Variants in DNAH6 observed in about 807,000 individuals in gnomAD.
DNAH6 encodes axonemal beta dynein heavy chain 6.
In DNAH6, 340 loss-of-function variants were observed where a neutral mutation model predicts 491.4. The ratio of observed to expected loss-of-function variants is 0.69; its 90% CI spans 0.63 to 0.76. The LOEUF (loss-of-function observed/expected upper bound fraction) is 0.76. Ranked by LOEUF, DNAH6 falls within the 30% of genes least tolerant of loss-of-function variation. The probability of loss-of-function intolerance (pLI) is 0.00; values close to 1 mark genes in which losing one functional copy is unlikely to be tolerated. For missense variants in DNAH6, 4,443 were observed against 4,972.2 expected, an observed-to-expected ratio of 0.89 and a Z score of 3.20; for synonymous variants, 1,603 against 1,686.1, an observed-to-expected ratio of 0.95 and a Z score of 1.21.
At chr2:84,535,804 G>A (rs1841417) in intron 4 of DNAH6, among the ~76,000 whole-genome samples, 146,743 of 152,012 alleles carry the variant, frequency 0.97, 70,877 homozygotes, top group East Asian at 1. Flanking sequence ...TGATGAATCT[G>A]TAGACATTAG....
Position 84,677,105 on chromosome 2 carries a change from C to T in DNAH6, c.6713C>T (p.Pro2238Leu), listed in dbSNP as rs914271930. The T allele has an allele frequency of 6.4e-7, 1 of 1,551,726 alleles. No homozygotes were observed. The highest frequency in any genetic ancestry group is 8.7e-7 in the Non-Finnish European group (1 of 1,146,976). ...RHFSMLCLPMPSEHSLKQIFQ... is the reference protein window; with the variant it reads ...RHFSMLCLPMLSEHSLKQIFQ... ...TTCAGCATGCTGTGCCTCCCAATGCCCTCAGAGCACAGTCTGAAACAGATT... is the reference window on the plus strand; with the variant it reads ...TTCAGCATGCTGTGCCTCCCAATGCTCTCAGAGCACAGTCTGAAACAGATT... Residue 2238 changes from proline to leucine, a missense_variant, in exon 41 of 77, where the codon CCC becomes CTC. Pro to Leu is a moderately conservative substitution (Grantham distance 98, BLOSUM62 -3). Coordinates refer to ENST00000389394, the MANE Select transcript of DNAH6 (RefSeq NM_001370.2).
the DNAH6 span, among the ~76,000 whole-genome samples, chr2:84,479,667 A>AC: frequency 2.0e-5 from 3 of 152,216 alleles, no homozygotes; most frequent in African/African-American, 7.2e-5. Flanking sequence ...GAAGGGAACC[A>AC]TAAAAGAGAC....
chr2:84,532,211 GA>G (rs2104463085), intron 4 of DNAH6, among the ~76,000 whole-genome samples: 2 of 152,224 alleles, frequency 1.3e-5, no homozygotes, highest in East Asian at 3.9e-4. Context: ...CTAGACTAAT[GA>G]GCACTTCTAC....
the DNAH6 span, among the ~76,000 whole-genome samples, chr2:84,481,816 C>T: frequency 1.3e-5 from 2 of 152,218 alleles, no homozygotes; most frequent in African/African-American, 4.8e-5. Flanking sequence ...AGCCTGCATT[C>T]TCAGGCAGCA....
chr2:84,581,611 C>A (rs1028494650), intron 14 of DNAH6, among the ~76,000 whole-genome samples: 1 of 151,956 alleles, frequency 6.6e-6, no homozygotes, highest in Non-Finnish European at 1.5e-5. Flanking sequence ...GGTGGGCATT[C>A]CAGGGAGAGG....
intron 37 of DNAH6, among the ~76,000 whole-genome samples, chr2:84,663,748 G>T (rs571338755): frequency 4.6e-5 from 7 of 152,140 alleles, no homozygotes; most frequent in African/African-American, 1.4e-4. Context: ...TACAGAGAAC[G>T]CCACAAAGAT....
Position 84,699,195 on chromosome 2 carries a change from G to GA in DNAH6, c.7678-388dup, listed in dbSNP as rs537801217. 4.2e-3 allele frequency among the ~76,000 whole-genome samples: 605 copies of GA among 143,942 alleles called. 3 individuals are homozygous for GA. The highest frequency in any genetic ancestry group is 0.013 in the African/African-American group (500 of 39,382). The allele number at this position is 143,942 out of a possible 152,430, so 94.4% of individuals were successfully genotyped here. A position where few individuals can be genotyped will look rare whatever the true frequency, so the allele number is the denominator to read the frequency against. ...AGAATCTAAAATAAAAGTTGAAAAAGAAAAAAAAAAACTCCCATACCATGC... is the reference window on the plus strand; with the variant it reads ...AGAATCTAAAATAAAAGTTGAAAAAGAAAAAAAAAAAACTCCCATACCATGC... On this transcript the variant is annotated intron_variant, in intron 47 of 76. Transcript: ENST00000389394.
chr2:84,667,605 G>C (rs1692270435), intron 37 of DNAH6, among the ~76,000 whole-genome samples: 1 of 152,160 alleles, frequency 6.6e-6, no homozygotes, highest in Admixed American at 6.5e-5. Context: ...TGCTGGAAAG[G>C]ATGTGGAGAA....
intron 4 of DNAH6, among the ~76,000 whole-genome samples, chr2:84,535,883 G>A (rs1281185232): frequency 6.6e-6 from 1 of 151,862 alleles, no homozygotes; most frequent in African/African-American, 2.4e-5. Flanking sequence ...TGTTTAGGAA[G>A]AAGAAAAAAG....
chr2:84,503,812 G>C, the DNAH6 span, among the ~76,000 whole-genome samples: 3 of 151,404 alleles, frequency 2.0e-5, no homozygotes, highest in Non-Finnish European at 4.4e-5. Context: ...CTTTACTGTT[G>C]TTGCTTTTAG....
intron 18 of DNAH6, among the ~76,000 whole-genome samples, chr2:84,599,566 T>C (rs1375973717): frequency 1.3e-5 from 2 of 152,214 alleles, no homozygotes; most frequent in Non-Finnish European, 1.5e-5. Context: ...AGGAACAGCA[T>C]TATTTGAAAT....
chr2:84,647,028 G>C (rs573650495), intron 33 of DNAH6, among the ~76,000 whole-genome samples: 4 of 152,004 alleles, frequency 2.6e-5, no homozygotes, highest in Non-Finnish European at 5.9e-5. Context: ...TGTATTTTTG[G>C]TAGAGACAGA....
chr2:84,644,285 A>T (rs890902981), intron 33 of DNAH6, among the ~76,000 whole-genome samples: 3 of 152,196 alleles, frequency 2.0e-5, no homozygotes, highest in Non-Finnish European at 4.4e-5. Flanking sequence ...AAACTCTAGC[A>T]GGTTAGGCTC....
rs377295649 is a variant in DNAH6 at position 84,525,889 on chromosome 2, A to G, written c.399+151A>G. Among the ~76,000 whole-genome samples, 73 of 152,312 alleles carry G rather than the reference A, an allele frequency of 4.8e-4. No homozygotes were observed. In the South Asian group the frequency reaches 5.2e-3, roughly 11 times the overall value. ...GGGAAATATAACATTTCTTCATCCT[A>G]TTTAAGGAAAACTCTTACAGTGGAA... On this transcript the variant is annotated intron_variant, in intron 3 of 76. Transcript: ENST00000389394.
intron 19 of DNAH6, among the ~76,000 whole-genome samples, chr2:84,605,223 A>G (rs536813350): frequency 6.6e-6 from 1 of 151,650 alleles, no homozygotes; most frequent in East Asian, 1.9e-4. Flanking sequence ...CGTGGTGGCA[A>G]GTGCCTGTAG....
intron 33 of DNAH6, among the ~76,000 whole-genome samples, chr2:84,646,800 A>G (rs1689943131): frequency 6.6e-6 from 1 of 152,156 alleles, no homozygotes. Context: ...TCATAATAAA[A>G]CCTGCATGGA....
intron 68 of DNAH6, among the ~76,000 whole-genome samples, chr2:84,794,489 C>G (rs920897873): frequency 1.7e-4 from 25 of 149,864 alleles, no homozygotes; most frequent in African/African-American, 5.1e-4. Flanking sequence ...AAGAAAAAAA[C>G]AAACAACCCC....
At chr2:84,587,499 A>T (rs1324517913) in intron 15 of DNAH6, among the ~76,000 whole-genome samples, 2 of 152,216 alleles carry the variant, frequency 1.3e-5, no homozygotes, top group Non-Finnish European at 2.9e-5. Context: ...TGCTTCTTCT[A>T]TAGAAGGTTT....
In DNAH6 at chr2:84,584,048, T is replaced by C. The variant is rs1683301449; in HGVS notation, c.2279T>C (p.Leu760Pro). 7 of 1,614,158 alleles carry C rather than the reference T, an allele frequency of 4.3e-6. No homozygotes were observed. Among genetic ancestry groups the C allele is most frequent in the Non-Finnish European group, 5.9e-6 (7 of 1,180,010 alleles). Reference sequence around the variant, plus strand: ...AATATAGTGACTCAAATGTACAAGCTTATGGAACAATATCAGGTGCCCACA... The same window carrying C: ...AATATAGTGACTCAAATGTACAAGCCTATGGAACAATATCAGGTGCCCACA... ...EGNIVTQMYKLMEQYQVPTPP... is the reference protein window; with the variant it reads ...EGNIVTQMYKPMEQYQVPTPP... Residue 760 changes from leucine to proline, a missense_variant, in exon 15 of 77, where the codon CTT (leucine) becomes CCT (proline). Leu to Pro is a moderately conservative substitution (Grantham distance 98). Coordinates refer to ENST00000389394, the MANE Select transcript of DNAH6 (RefSeq NM_001370.2).
Sources: allele counts gnomAD v4.1 joint callset (sites outside exome capture counted in the v4.1 genomes callset), GRCh38; gene constraint gnomAD v4.1.1; transcripts MANE v1.5; gene names NCBI Gene and HGNC (gene_info 2026-07-23, HGNC 2026-07-21).